Variants in DIS3L observed in about 807,000 individuals in gnomAD.
The protein encoded by DIS3L is DIS3 like exosome 3'-5' exoribonuclease, also known as DIS3-like exonuclease 1.
In DIS3L, 100 loss-of-function variants were observed where a neutral mutation model predicts 120.3. That is an observed-to-expected ratio of 0.83 (90% CI 0.71 to 0.98). DIS3L has a LOEUF of 0.98. DIS3L is among the 50% of genes least tolerant of loss of function. DIS3L has a pLI of 0.00. For synonymous variants in DIS3L, 426 were observed against 470.6 expected (o/e 0.91, Z 1.23); for missense variants, 1,196 against 1,314.2 (o/e 0.91, Z 1.39).
In DIS3L at chr15:66,293,746, G is replaced by GGGCGGGGGCGGGGACGGGGCC; in HGVS notation, c.139+18_139+38dup. The stretch of plus-strand genomic sequence containing the variant: ...CCGCCTGCAGCCACGGTCAGGGCCG[G>GGGCGGGGGCGGGGACGGGGCC]GGCGGGGGCGGGGACGGGGCCGGCG... On this transcript the variant is annotated intron_variant, in intron 1 of 16. Coordinates refer to ENST00000319212, the MANE Select transcript of DIS3L (RefSeq NM_001143688.3). The GGGCGGGGGCGGGGACGGGGCC allele has an allele frequency of 1.7e-6, 2 of 1,196,708 alleles. No individual in the cohort carries two copies. Among genetic ancestry groups the GGGCGGGGGCGGGGACGGGGCC allele is most frequent in the African/African-American group, 1.6e-5 (1 of 62,496 alleles). 74.1% of individuals were successfully genotyped at this position (1,196,708 alleles called of 1,614,324 possible).
chr15:66,314,148 A>G (rs369502331), intron 6 of DIS3L, 31 bp downstream of exon 6: 3 of 1,410,468 alleles, frequency 2.1e-6, no homozygotes, highest in Non-Finnish European at 2.8e-6. Context: ...AAATTTCCAT[A>G]CTCCTTTTTT....
At chr15:66,299,892 T>C (rs1214156370) in intron 2 of DIS3L, among the ~76,000 whole-genome samples, 1 of 151,796 alleles carries the variant, frequency 6.6e-6, no homozygotes, top group East Asian at 1.9e-4. Context: ...TCTACTAAAA[T>C]ACAAAAAATT....
At chr15:66,319,468 T>C (rs1308725863) in intron 8 of DIS3L, among the ~76,000 whole-genome samples, 1 of 152,192 alleles carries the variant, frequency 6.6e-6, no homozygotes, top group African/African-American at 2.4e-5. Flanking sequence ...CACTCTGCCC[T>C]GTAGGGATGA....
intron 2 of DIS3L, among the ~76,000 whole-genome samples, chr15:66,304,542 A>G (rs2140335035): frequency 6.6e-6 from 1 of 152,304 alleles, no homozygotes; most frequent in East Asian, 1.9e-4. Context: ...TTTTGTTTGT[A>G]CAAGTGGAAT....
At position 66,322,833 on chromosome 15, in the gene DIS3L, C is replaced by G; in HGVS notation, c.1473C>G (p.Val491=). 6.2e-7 allele frequency: 1 copy of G among 1,614,174 alleles called. No homozygotes were observed. The highest frequency in any genetic ancestry group is 8.5e-7 in the Non-Finnish European group (1 of 1,180,026). ...AAGATGTGGATGACACACTCTCAGT[C>G]AGAACCTTAAATAATGGCAACCTGG... The part of the protein sequence containing the change: ...GCEDVDDTLS[V]RTLNNGNLEL... Residue 491 remains valine, a synonymous_variant, in exon 10 of 17, where the codon GTC becomes GTG. Coordinates refer to ENST00000319212, the MANE Select transcript of DIS3L (RefSeq NM_001143688.3).
intron 6 of DIS3L, among the ~76,000 whole-genome samples, chr15:66,314,727 T>G (rs1410666034): frequency 6.6e-6 from 1 of 152,160 alleles, no homozygotes; most frequent in Admixed American, 6.5e-5. Flanking sequence ...TTGACAGAAG[T>G]CCAGCATAGG....
At chr15:66,319,433 C>T (rs1036159547) in intron 8 of DIS3L, among the ~76,000 whole-genome samples, 1 of 152,140 alleles carries the variant, frequency 6.6e-6, no homozygotes, top group Non-Finnish European at 1.5e-5. Flanking sequence ...AAGCTTTCCT[C>T]CAGCAAGCAA....
At chr15:66,311,287 A>AG (rs1347620264) in intron 4 of DIS3L, among the ~76,000 whole-genome samples, 1 of 151,748 alleles carries the variant, frequency 6.6e-6, no homozygotes, top group Non-Finnish European at 1.5e-5. Context: ...TGCTTAAGGC[A>AG]GGGGGAGGTC....
At chr15:66,309,247 G>A (rs752688896) in intron 4 of DIS3L, among the ~76,000 whole-genome samples, 29 of 150,314 alleles carry the variant, frequency 1.9e-4, no homozygotes, top group Non-Finnish European at 3.3e-4. Context: ...GTAAGACCCT[G>A]TCTCAACAAA....
At chr15:66,327,910 G>T (rs2092955735) in intron 12 of DIS3L, among the ~76,000 whole-genome samples, 4 of 152,042 alleles carry the variant, frequency 2.6e-5, no homozygotes. Context: ...AATACAACGA[G>T]CCAGGCATGG....
chr15:66,319,018 C>G (rs996076693), intron 8 of DIS3L, among the ~76,000 whole-genome samples: 1 of 152,156 alleles, frequency 6.6e-6, no homozygotes, highest in Admixed American at 6.6e-5. Context: ...GTCTCAAACT[C>G]CTGACCTCAT....
At chr15:66,329,912 CA>C (rs5813391) in intron 14 of DIS3L, 53,150 of 541,572 alleles carry the variant, frequency 0.098, 188 homozygotes, top group African/African-American at 0.15. Flanking sequence ...GACTGTGTCT[CA>C]AAAAAAAAAA....
Position 66,325,897 on chromosome 15 carries a change from C to A in DIS3L, c.1734C>A (p.Gly578=). The part of the protein sequence containing the change: ...ASYEIKKVWY[G]RTIIRSAYKL... The stretch of plus-strand genomic sequence containing the variant: ...ATGAAATTAAGAAAGTGTGGTATGG[C>A]AGAACCATTATTCGATCAGCATACA... Residue 578 remains glycine (G), a synonymous_variant, in exon 12 of 17, where the codon GGC becomes GGA. Transcript: ENST00000319212. 1 of 1,613,966 alleles carries A rather than the reference C, an allele frequency of 6.2e-7. No individual in the cohort carries two copies. The highest frequency in any genetic ancestry group is 8.5e-7 in the Non-Finnish European group (1 of 1,179,870).
intron 12 of DIS3L, among the ~76,000 whole-genome samples, chr15:66,328,509 G>C (rs564327842): frequency 6.6e-6 from 1 of 152,220 alleles, no homozygotes; most frequent in East Asian, 1.9e-4. Context: ...GGGCAACAAA[G>C]TGAGACCCTG....
In DIS3L at chr15:66,323,486, T is replaced by G. The variant is rs777930879; in HGVS notation, c.1575-7T>G. The G allele has an allele frequency of 1.9e-6, 3 of 1,614,166 alleles. No homozygotes were observed. The East Asian group carries it at 6.7e-5, about 36-fold the overall frequency. On this transcript the variant is annotated splice_polypyrimidine_tract_variant and splice_region_variant and intron_variant, in intron 10 of 16. Transcript: ENST00000319212. ...AGGTCGCGTTGCCGCGTGTGTGTCA[T>G]TCACAGGGCCACCACTTATTATCTA...
At chr15:66,313,049 G>A (rs2092778214) in intron 5 of DIS3L, among the ~76,000 whole-genome samples, 1 of 152,036 alleles carries the variant, frequency 6.6e-6, no homozygotes, top group African/African-American at 2.4e-5. Flanking sequence ...AGGATGGAGT[G>A]CAGTGGTGCA....
At chr15:66,321,549 G>C (rs2092883465) in intron 9 of DIS3L, among the ~76,000 whole-genome samples, 1 of 152,068 alleles carries the variant, frequency 6.6e-6, no homozygotes, top group Non-Finnish European at 1.5e-5. Flanking sequence ...GAATCACCAG[G>C]TCAGGAGTTT....
At chr15:66,317,883 T>C (rs1253690289) in intron 7 of DIS3L, among the ~76,000 whole-genome samples, 1 of 152,074 alleles carries the variant, frequency 6.6e-6, no homozygotes, top group Non-Finnish European at 1.5e-5. Flanking sequence ...AAAAAGTGTT[T>C]TTAAATTATC....
chr15:66,294,408 T>C (rs1373766526), intron 1 of DIS3L: 5 of 985,486 alleles, frequency 5.1e-6, no homozygotes, highest in African/African-American at 3.5e-5. Context: ...TGGGGGTCCT[T>C]GTCAGCGAAT....
Sources: allele counts gnomAD v4.1 joint callset (sites outside exome capture counted in the v4.1 genomes callset), GRCh38; gene constraint gnomAD v4.1.1; transcripts MANE v1.5; gene names NCBI Gene and HGNC (gene_info 2026-07-23, HGNC 2026-07-21).